Variants in HIVEP3 observed in about 807,000 individuals in gnomAD.
HIVEP3 encodes transcription factor HIVEP3.
In HIVEP3, 49 loss-of-function variants were observed where a neutral mutation model predicts 152.8. The ratio of observed to expected loss-of-function variants is 0.32; its 90% confidence interval spans 0.26 to 0.41. HIVEP3 has a LOEUF of 0.41. Among genes scored for constraint, HIVEP3 ranks in the 10% least tolerant of loss-of-function variants. HIVEP3 has a pLI of 1.00. For synonymous variants in HIVEP3, 1,269 were observed against 1,289.0 expected (o/e 0.98, Z 0.33); for missense variants, 2,790 against 3,103.3 (o/e 0.90, Z 2.40).
chr1:41,774,772 T>TTTTATGTATTTA (rs1648586071), intron 1 of HIVEP3, among the ~76,000 whole-genome samples: 1 of 143,710 alleles, frequency 7.0e-6, no homozygotes, highest in African/African-American at 2.7e-5. Flanking sequence ...GCATCTTTTA[T>TTTTATGTATTTA]TTTATTTATT....
chr1:41,620,333 T>C (rs930856546), intron 3 of HIVEP3, among the ~76,000 whole-genome samples: 2 of 152,228 alleles, frequency 1.3e-5, no homozygotes, highest in Non-Finnish European at 2.9e-5. Flanking sequence ...TATTTACCCA[T>C]GACATAGTTT....
At chr1:41,589,780 G>T (rs1644559882) in intron 3 of HIVEP3, among the ~76,000 whole-genome samples, 1 of 152,150 alleles carries the variant, frequency 6.6e-6, no homozygotes, top group African/African-American at 2.4e-5. Flanking sequence ...CAGGCTGGTG[G>T]GGCTTAATAC....
At chr1:41,809,295 T>C (rs1298663958) in intron 1 of HIVEP3, among the ~76,000 whole-genome samples, 2 of 152,238 alleles carry the variant, frequency 1.3e-5, no homozygotes, top group African/African-American at 4.8e-5. Context: ...GACAGCTTTT[T>C]ATATTGATAA....
Position 41,912,960 on chromosome 1 carries a change from C to T in HIVEP3, c.-801+5453G>A, listed in dbSNP as rs143584951. On this transcript the variant is annotated intron_variant, in intron 1 of 8. Transcript: ENST00000372583. ...TTGTGAACAACCCCTAATAGCCACA[C>T]CACATGGCAATTTGTCTTTTCTCTG... 3.6e-3 allele frequency among the ~76,000 whole-genome samples: 545 copies of T among 152,296 alleles called. 7 individuals carry two copies. Among genetic ancestry groups the T allele is most frequent in the Non-Finnish European group, 4.4e-3 (299 of 68,016 alleles).
At chr1:41,791,705 C>G (rs577848942) in intron 1 of HIVEP3, among the ~76,000 whole-genome samples, 1 of 152,232 alleles carries the variant, frequency 6.6e-6, no homozygotes, top group Non-Finnish European at 1.5e-5. Flanking sequence ...TGTGTTTAAG[C>G]CACTGTTATT....
At chr1:41,870,697 G>A (rs1644063754) in intron 1 of HIVEP3, among the ~76,000 whole-genome samples, 1 of 152,184 alleles carries the variant, frequency 6.6e-6, no homozygotes, top group Non-Finnish European at 1.5e-5. Flanking sequence ...ACTAGTAAGT[G>A]AAAACAATAA....
At chr1:41,874,580 T>TCCCTCACCGTGGC (rs1644136605) in intron 1 of HIVEP3, among the ~76,000 whole-genome samples, 1 of 152,020 alleles carries the variant, frequency 6.6e-6, no homozygotes, top group Non-Finnish European at 1.5e-5. Context: ...CACCACCACC[T>TCCCTCACCGTGGC]CCCTCACCGT....
chr1:41,905,227 AG>A (rs896409862), intron 1 of HIVEP3, among the ~76,000 whole-genome samples: 18 of 152,160 alleles, frequency 1.2e-4, no homozygotes, highest in African/African-American at 4.3e-4. Flanking sequence ...ACAGACATTC[AG>A]GGAAACAGAA....
rs114406864 is a variant in HIVEP3 at position 41,863,126 on chromosome 1, C to T, written c.-801+55287G>A. ...CCACTGTCACATACGTTCCCAGACGCAGAGTCATCTGTGCACATGTCACCC... is the reference window on the plus strand; with the variant it reads ...CCACTGTCACATACGTTCCCAGACGTAGAGTCATCTGTGCACATGTCACCC... On this transcript the variant is annotated intron_variant, in intron 1 of 8. Transcript: ENST00000372583. Among the ~76,000 whole-genome samples the T allele has an allele frequency of 9.2e-3, 1,409 of 152,332 alleles. 13 individuals are homozygous for T. Among genetic ancestry groups the T allele is most frequent in the Non-Finnish European group, 0.014 (986 of 68,024 alleles).
intron 1 of HIVEP3, among the ~76,000 whole-genome samples, chr1:41,984,843 A>G (rs1645312776): frequency 6.6e-6 from 1 of 152,210 alleles, no homozygotes; most frequent in Non-Finnish European, 1.5e-5. Flanking sequence ...CCCACAGAAC[A>G]AAACAAATGA....
intron 5 of HIVEP3, chr1:41,535,714 A>T (rs1352766075): frequency 3.9e-5 from 6 of 152,140 alleles, no homozygotes; most frequent in Admixed American, 1.3e-4. Flanking sequence ...AAAGAAAAAG[A>T]TCCTTAAACA....
At chr1:41,657,159 C>A (rs139554224) in intron 2 of HIVEP3, among the ~76,000 whole-genome samples, 87 of 152,268 alleles carry the variant, frequency 5.7e-4, no homozygotes, top group African/African-American at 2.0e-3. Flanking sequence ...TAAATGACAG[C>A]GTAAGGTGAG....
At chr1:41,566,466 G>T (rs1313689233) in intron 5 of HIVEP3, among the ~76,000 whole-genome samples, 1 of 152,192 alleles carries the variant, frequency 6.6e-6, no homozygotes, top group Non-Finnish European at 1.5e-5. Flanking sequence ...ATTCCTTGCA[G>T]CAAACACACA....
chr1:41,764,793 A>C (rs1187293203), intron 1 of HIVEP3, among the ~76,000 whole-genome samples: 1 of 152,150 alleles, frequency 6.6e-6, no homozygotes, highest in Non-Finnish European at 1.5e-5. Context: ...CACACAAAGA[A>C]GTTTTTGACA....
chr1:41,837,668 T>C (rs1643165579), intron 1 of HIVEP3, among the ~76,000 whole-genome samples: 1 of 152,212 alleles, frequency 6.6e-6, no homozygotes, highest in Non-Finnish European at 1.5e-5. Context: ...CACCGGACAT[T>C]GCCCTGTTCA....
intron 2 of HIVEP3, among the ~76,000 whole-genome samples, chr1:41,653,043 G>A (rs1570230726): frequency 1.3e-5 from 2 of 151,738 alleles, no homozygotes; most frequent in Non-Finnish European, 1.5e-5. Flanking sequence ...AACAAAGTGG[G>A]AAAAAATGTG....
At chr1:42,030,748 T>A (rs1645608460) in intron 1 of HIVEP3, among the ~76,000 whole-genome samples, 1 of 152,238 alleles carries the variant, frequency 6.6e-6, no homozygotes, top group African/African-American at 2.4e-5. Flanking sequence ...TCTGTAATTA[T>A]TTATGCTATT....
At chr1:41,995,548 T>G (rs976086925) in intron 1 of HIVEP3, among the ~76,000 whole-genome samples, 2 of 152,116 alleles carry the variant, frequency 1.3e-5, no homozygotes, top group East Asian at 1.9e-4. Context: ...AGATGAAAGA[T>G]CTGAGATACA....
At chr1:41,759,830 G>C (rs1258752633) in intron 1 of HIVEP3, among the ~76,000 whole-genome samples, 1 of 152,168 alleles carries the variant, frequency 6.6e-6, no homozygotes, top group South Asian at 2.1e-4. Flanking sequence ...TTGTGCTTTG[G>C]TTTCCACATA....
Sources: gnomAD v4.1 joint callset for allele counts (sites outside exome capture counted in the v4.1 genomes callset) on GRCh38, gnomAD v4.1.1 for gene constraint, MANE v1.5 for transcripts, NCBI Gene and HGNC (gene_info 2026-07-23, HGNC 2026-07-21) for gene names.